The following LRRC7 variants were observed in gnomAD, a reference collection of about 807,000 sequenced individuals.
LRRC7 encodes the protein leucine rich repeat containing 7.
In LRRC7, 23 loss-of-function variants were observed where a neutral mutation model predicts 175.7. The observed-to-expected ratio is 0.13, with a 90% CI of 0.09 to 0.19. The LOEUF (loss-of-function observed/expected upper bound fraction) is 0.19, where lower values mean the gene tolerates loss of function less well. LRRC7 is among the 10% of genes least tolerant of loss of function. LRRC7 has a pLI of 1.00. For missense variants in LRRC7, 1,354 were observed against 1,904.7 expected (o/e 0.71, Z 5.38); for synonymous variants, 685 against 680.9 (o/e 1.01, Z -0.09).
chr1:69,974,033 C>G (rs1008740361), intron 8 of LRRC7, among the ~76,000 whole-genome samples: 1 of 152,160 alleles, frequency 6.6e-6, no homozygotes, highest in Admixed American at 6.5e-5. Flanking sequence ...ACCTCTATTC[C>G]ATATTTCTAT....
intron 4 of LRRC7, among the ~76,000 whole-genome samples, chr1:69,796,778 G>A (rs1355795043): frequency 6.6e-6 from 1 of 151,202 alleles, no homozygotes; most frequent in Non-Finnish European, 1.5e-5. Context: ...TGGGCAACAA[G>A]AGCGAAACTC....
At chr1:69,741,248 A>G (rs1380992985) in intron 2 of LRRC7, among the ~76,000 whole-genome samples, 1 of 152,024 alleles carries the variant, frequency 6.6e-6, no homozygotes, top group Non-Finnish European at 1.5e-5. Flanking sequence ...AAGTTTTTTA[A>G]TATAGATATG....
intron 2 of LRRC7, among the ~76,000 whole-genome samples, chr1:69,706,640 G>T (rs1664070775): frequency 6.6e-6 from 1 of 152,128 alleles, no homozygotes; most frequent in Admixed American, 6.5e-5. Flanking sequence ...GGATTTGAAA[G>T]TCAGGCAGAG....
chr1:69,700,942 T>G (rs1663270697), intron 2 of LRRC7, among the ~76,000 whole-genome samples: 1 of 152,200 alleles, frequency 6.6e-6, no homozygotes, highest in South Asian at 2.1e-4. Flanking sequence ...AGTAGTCCAC[T>G]GTAGCTCTGA....
rs537789711 is a variant in LRRC7, at chr1:69,963,337, A to G, written c.712-17042A>G. On this transcript the variant is annotated intron_variant, in intron 8 of 26. Transcript: ENST00000651989. The stretch of plus-strand genomic sequence containing the variant: ...AAAAAAAAGAAAGAAAGAAACAAAG[A>G]AAAAGAAAACATTTGCAAAGACCAG... Among the ~76,000 whole-genome samples, 3 of 152,102 alleles carry G rather than the reference A, an allele frequency of 2.0e-5. No individual in the cohort carries two copies. In the East Asian group the frequency reaches 5.8e-4, roughly 29 times the overall value.
At chr1:69,743,382 A>T (rs1208855990) in intron 2 of LRRC7, among the ~76,000 whole-genome samples, 1 of 152,096 alleles carries the variant, frequency 6.6e-6, no homozygotes, top group African/African-American at 2.4e-5. Flanking sequence ...AGTAAAGATT[A>T]TTCCTAGCAG....
intron 4 of LRRC7, among the ~76,000 whole-genome samples, chr1:69,809,684 T>C (rs1306887851): frequency 2.6e-5 from 4 of 152,172 alleles, no homozygotes; most frequent in Non-Finnish European, 5.9e-5. Flanking sequence ...CACATGATTA[T>C]CTCAATAGAT....
intron 2 of LRRC7, among the ~76,000 whole-genome samples, chr1:69,738,928 G>A (rs2100845360): frequency 6.6e-6 from 1 of 152,086 alleles, no homozygotes; most frequent in Admixed American, 6.6e-5. Context: ...AGAAAAAGAT[G>A]GCCAAGTGAG....
At chr1:69,864,617 A>G (rs1252681288) in intron 7 of LRRC7, among the ~76,000 whole-genome samples, 1 of 152,320 alleles carries the variant, frequency 6.6e-6, no homozygotes, top group East Asian at 1.9e-4. Context: ...GTGTCAGAAG[A>G]TAGGGTAACA....
rs367874611 is a variant in LRRC7 at position 69,693,623 on chromosome 1, C to CCAT, written c.100+15147_100+15148insTCA. On this transcript the variant is annotated intron_variant, in intron 2 of 26. Transcript: ENST00000651989. ...CAGGGCAATCTATTTTACTCTAAAT[C>CCAT]CAATTTAAATGTTAATCTCATCCAA... 5.6e-4 allele frequency among the ~76,000 whole-genome samples: 5 copies of CCAT among 8,906 alleles called. No individual in the cohort carries two copies. The East Asian group carries it at 0.022, about 39-fold the overall frequency. 5.8% of individuals were successfully genotyped at this position (8,906 alleles called of 152,430 possible).
intron 1 of LRRC7, among the ~76,000 whole-genome samples, chr1:69,609,175 T>C (rs962140210): frequency 1.3e-5 from 2 of 151,702 alleles, no homozygotes; most frequent in African/African-American, 2.4e-5. Flanking sequence ...CAATTTGACC[T>C]TGGGCTAATT....
chr1:69,871,717 C>T (rs1913265), intron 7 of LRRC7, among the ~76,000 whole-genome samples: 1,891 of 151,860 alleles, frequency 0.012, 33 homozygotes, highest in African/African-American at 0.043. Context: ...TTTCATATTC[C>T]ATCCAAAAAT....
chr1:69,704,290 T>C (rs1663750409), intron 2 of LRRC7, among the ~76,000 whole-genome samples: 1 of 151,988 alleles, frequency 6.6e-6, no homozygotes, highest in Admixed American at 6.6e-5. Context: ...AAATAAAATG[T>C]CTGTTTGTGT....
chr1:69,795,914 T>TTTG lies in LRRC7; in HGVS notation c.421+3756_421+3757insGTT, dbSNP rs1675695975. Among the ~76,000 whole-genome samples, 3 of 151,662 alleles carry TTTG rather than the reference T, an allele frequency of 2.0e-5. No homozygotes were observed. The South Asian group carries it at 6.2e-4, about 32-fold the overall frequency. Reference sequence around the variant, plus strand: ...TTGAGTAAACAGATTTTTTTTGGGTTTTTTTTTGTTTTTTTCTTATTTTGT... The same window carrying TTTG: ...TTGAGTAAACAGATTTTTTTTGGGTTTTGTTTTTTTGTTTTTTTCTTATTTTGT... On this transcript the variant is annotated intron_variant, in intron 4 of 26. Coordinates refer to ENST00000651989, the MANE Select transcript of LRRC7 (RefSeq NM_001370785.2).
chr1:69,710,796 A>T (rs1381397789), intron 2 of LRRC7, among the ~76,000 whole-genome samples: 4 of 152,088 alleles, frequency 2.6e-5, no homozygotes, highest in Non-Finnish European at 5.9e-5. Flanking sequence ...TCTGTTTTAG[A>T]TCCCTGCCCC....
At chr1:70,099,822 A>G (rs1041822304) in intron 25 of LRRC7, among the ~76,000 whole-genome samples, 2 of 152,086 alleles carry the variant, frequency 1.3e-5, no homozygotes, top group Non-Finnish European at 2.9e-5. Context: ...GGATCAGTAA[A>G]CTGTACAAAG....
chr1:69,710,031 A>C (rs1458410396), intron 2 of LRRC7, among the ~76,000 whole-genome samples: 1 of 152,088 alleles, frequency 6.6e-6, no homozygotes, highest in Non-Finnish European at 1.5e-5. Context: ...TAATCTTAGC[A>C]CTTTGGGAGG....
chr1:69,823,466 A>G (rs1307252169), intron 4 of LRRC7, among the ~76,000 whole-genome samples: 1 of 152,080 alleles, frequency 6.6e-6, no homozygotes, highest in Admixed American at 6.6e-5. Context: ...CCCATTTTTT[A>G]TGTCTGTAAC....
chr1:69,844,696 A>G (rs1398152320), intron 7 of LRRC7, among the ~76,000 whole-genome samples: 3 of 152,218 alleles, frequency 2.0e-5, no homozygotes, highest in South Asian at 4.1e-4. Context: ...CTTTGGATAT[A>G]TATTTAGAAG....
Sources: gnomAD v4.1 joint callset for allele counts (sites outside exome capture counted in the v4.1 genomes callset) on GRCh38, gnomAD v4.1.1 for gene constraint, MANE v1.5 for transcripts, NCBI Gene and HGNC (gene_info 2026-07-23, HGNC 2026-07-21) for gene names.